Variants in TAFA1 observed in about 807,000 individuals in gnomAD.
TAFA1 encodes TAFA chemokine like family member 1.
TAFA1 carries 4 observed loss-of-function variants against 18.5 expected under a neutral mutation model. That is an observed-to-expected ratio of 0.22 (90% CI 0.11 to 0.49). The LOEUF (loss-of-function observed/expected upper bound fraction) is 0.49, where lower values mean the gene tolerates loss of function less well. Ranked by LOEUF, TAFA1 falls within the 20% of genes least tolerant of loss-of-function variation. The probability of loss-of-function intolerance (pLI) is 0.98; values close to 1 mark genes in which losing one functional copy is unlikely to be tolerated. For missense variants in TAFA1, 147 were observed against 169.0 expected, an observed-to-expected ratio of 0.87 and a Z score of 0.72; for synonymous variants, 56 against 55.2, an observed-to-expected ratio of 1.01 and a Z score of -0.06.
At chr3:68,515,276 T>A (rs2072904518) in intron 3 of TAFA1, among the ~76,000 whole-genome samples, 1 of 152,158 alleles carries the variant, frequency 6.6e-6, no homozygotes, top group Admixed American at 6.5e-5. Context: ...CCTAGAATGT[T>A]ACTTGGGTTA....
intron 2 of TAFA1, among the ~76,000 whole-genome samples, chr3:68,303,741 G>T (rs1399340872): frequency 6.6e-6 from 1 of 152,070 alleles, no homozygotes; most frequent in African/African-American, 2.4e-5. Flanking sequence ...GAACCACCGT[G>T]CCCGGCCTGA....
At chr3:68,002,248 T>C (rs1704291387), upstream of TAFA1, among the ~76,000 whole-genome samples, 2 of 152,334 alleles carry the variant, frequency 1.3e-5, no homozygotes, top group Middle Eastern at 3.4e-3. Flanking sequence ...AATAGAACTA[T>C]GCTAATATTC....
At chr3:68,470,159 C>T (rs1281247162) in intron 3 of TAFA1, among the ~76,000 whole-genome samples, 1 of 152,208 alleles carries the variant, frequency 6.6e-6, no homozygotes, top group Non-Finnish European at 1.5e-5. Context: ...CCTGCACAAG[C>T]TCTCTTGCCT....
At chr3:68,518,300 T>TA (rs2072958510) in intron 3 of TAFA1, among the ~76,000 whole-genome samples, 1 of 151,750 alleles carries the variant, frequency 6.6e-6, no homozygotes, top group Non-Finnish European at 1.5e-5. Flanking sequence ...TACAATTTTT[T>TA]TTGGCACAGA....
At chr3:68,222,273 A>T (rs2066740727) in intron 2 of TAFA1, among the ~76,000 whole-genome samples, 1 of 152,182 alleles carries the variant, frequency 6.6e-6, no homozygotes, top group African/African-American at 2.4e-5. Context: ...TGTTCCTTTC[A>T]CAAGATGAAT....
At chr3:68,339,796 C>T (rs2069048619) in intron 2 of TAFA1, among the ~76,000 whole-genome samples, 1 of 152,126 alleles carries the variant, frequency 6.6e-6, no homozygotes, top group Non-Finnish European at 1.5e-5. Context: ...CAGTGGTATG[C>T]TGGTAAACCA....
chr3:68,031,842 T>C (rs1704941649), intron 2 of TAFA1, among the ~76,000 whole-genome samples: 1 of 152,192 alleles, frequency 6.6e-6, no homozygotes, highest in Non-Finnish European at 1.5e-5. Flanking sequence ...TCATTTTCTG[T>C]TCAAATCTAG....
At chr3:68,135,476 C>A (rs907824557) in intron 2 of TAFA1, among the ~76,000 whole-genome samples, 3 of 152,178 alleles carry the variant, frequency 2.0e-5, no homozygotes, top group African/African-American at 7.2e-5. Flanking sequence ...ACTCTAGAGT[C>A]TACAAGACCC....
chr3:68,514,237 T>C (rs1473200020), intron 3 of TAFA1, among the ~76,000 whole-genome samples: 1 of 152,196 alleles, frequency 6.6e-6, no homozygotes, highest in Non-Finnish European at 1.5e-5. Context: ...GAAGTATATT[T>C]GGAAAGATTA....
intron 3 of TAFA1, among the ~76,000 whole-genome samples, chr3:68,451,810 T>C (rs2071570920): frequency 6.6e-6 from 1 of 152,192 alleles, no homozygotes. Flanking sequence ...GGTGGTGATA[T>C]GAAATGGGTC....
chr3:68,539,784 G>GA (rs1365913411), intron 4 of TAFA1, among the ~76,000 whole-genome samples: 1 of 149,206 alleles, frequency 6.7e-6, no homozygotes, highest in Non-Finnish European at 1.5e-5. Flanking sequence ...TGAGAGAGGG[G>GA]GGTCTCACTC....
chr3:68,403,841 C>G lies in TAFA1; in HGVS notation c.119-13439C>G, dbSNP rs544008154. On this transcript the variant is annotated intron_variant, in intron 2 of 4. Coordinates refer to ENST00000478136, the MANE Select transcript of TAFA1 (RefSeq NM_213609.4). ...AAGGTCTTGCACAGGCAATTAAAAG[C>G]TTGGCTTGGTAGTGATATGTCAAGT... 2.6e-5 allele frequency among the ~76,000 whole-genome samples: 4 copies of G among 152,282 alleles called. No individual in the cohort carries two copies. In the East Asian group the frequency reaches 7.7e-4, roughly 29 times the overall value.
rs2071996435 is a variant in TAFA1, at chr3:68,471,477, G to T, written c.259+54057G>T. Among the ~76,000 whole-genome samples, 3 of 152,184 alleles carry T rather than the reference G, an allele frequency of 2.0e-5. No homozygotes were observed. The South Asian group carries it at 6.2e-4, about 32-fold the overall frequency. ...GGAGCTGCACCCTGAAAAACCAGAG[G>T]GGTGGAGCTGCCCAAGGCCATGGGA... On this transcript the variant is annotated intron_variant, in intron 3 of 4. Transcript: ENST00000478136.
intron 2 of TAFA1, among the ~76,000 whole-genome samples, chr3:68,066,466 T>TA (rs1179400213): frequency 1.3e-5 from 2 of 152,220 alleles, no homozygotes; most frequent in African/African-American, 4.8e-5. Context: ...TTTAAATGTG[T>TA]GTCTGTCTAA....
intron 2 of TAFA1, among the ~76,000 whole-genome samples, chr3:68,182,732 A>G (rs2066220200): frequency 6.6e-6 from 1 of 152,116 alleles, no homozygotes; most frequent in African/African-American, 2.4e-5. Context: ...CTGTATATAA[A>G]CCTTGCATTC....
chr3:68,307,596 C>A (rs1051913672), intron 2 of TAFA1, among the ~76,000 whole-genome samples: 2 of 151,852 alleles, frequency 1.3e-5, no homozygotes, highest in African/African-American at 4.8e-5. Context: ...TAAAGATTTG[C>A]CTCTACTTTT....
chr3:68,348,009 T>C (rs1418852241), intron 2 of TAFA1, among the ~76,000 whole-genome samples: 3 of 152,152 alleles, frequency 2.0e-5, no homozygotes, highest in South Asian at 2.1e-4. Context: ...CTAGTCCTGA[T>C]GCTGCCATTT....
At chr3:68,525,409 C>T (rs1195980907) in intron 3 of TAFA1, among the ~76,000 whole-genome samples, 1 of 152,078 alleles carries the variant, frequency 6.6e-6, no homozygotes, top group Non-Finnish European at 1.5e-5. Flanking sequence ...TTCAGTCTGC[C>T]TATTTTAAGT....
At chr3:68,271,000 T>C (rs1008314749) in intron 2 of TAFA1, among the ~76,000 whole-genome samples, 1 of 152,208 alleles carries the variant, frequency 6.6e-6, no homozygotes, top group Admixed American at 6.5e-5. Context: ...AGAAACCCAA[T>C]CTAAACTGCT....
Sources: gnomAD v4.1 joint callset for allele counts (sites outside exome capture counted in the v4.1 genomes callset) on GRCh38, gnomAD v4.1.1 for gene constraint, MANE v1.5 for transcripts, NCBI Gene and HGNC (gene_info 2026-07-23, HGNC 2026-07-21) for gene names.